Variants in HTR7 observed in about 807,000 individuals in gnomAD.
HTR7 encodes 5-hydroxytryptamine receptor 7.
In HTR7, 16 loss-of-function variants were observed where a neutral mutation model predicts 34.0. That is an observed-to-expected ratio of 0.47 (90% CI 0.32 to 0.71). The LOEUF (loss-of-function observed/expected upper bound fraction) is 0.71, where lower values mean the gene tolerates loss of function less well. Among genes scored for constraint, HTR7 ranks in the 30% least tolerant of loss-of-function variants. HTR7 has a pLI of 0.04. For missense variants in HTR7, 504 were observed against 625.5 expected (o/e 0.81, Z 2.07); for synonymous variants, 265 against 260.2 (o/e 1.02, Z -0.18).
chr10:90,790,423 G>C (rs1311085836), intron 1 of HTR7, among the ~76,000 whole-genome samples: 1 of 152,100 alleles, frequency 6.6e-6, no homozygotes, highest in East Asian at 1.9e-4. Context: ...TTTTAATTCA[G>C]ACCTGTATAT....
rs956872319 is a variant in HTR7 at position 90,831,371 on chromosome 10, T to TA, written c.539+25761dup. Among the ~76,000 whole-genome samples, 14 of 152,150 alleles carry TA rather than the reference T, an allele frequency of 9.2e-5. No homozygotes were observed. The Middle Eastern group carries it at 0.01, about 111-fold the overall frequency. ...AGCTGCAGACCTTGGCGGTGAGTGT[T>TA]ACAGCTCAAGCCGGCACATCTGGAG... On this transcript the variant is annotated intron_variant, in intron 1 of 3. Coordinates refer to ENST00000336152, the MANE Select transcript of HTR7 (RefSeq NM_019859.4).
chr10:90,808,775 C>T (rs1206506633), intron 1 of HTR7, among the ~76,000 whole-genome samples: 1 of 152,160 alleles, frequency 6.6e-6, no homozygotes, highest in Non-Finnish European at 1.5e-5. Flanking sequence ...CTTCAACTCA[C>T]ATCTGACCTA....
intron 1 of HTR7, among the ~76,000 whole-genome samples, chr10:90,764,132 C>T (rs1381163019): frequency 6.6e-6 from 1 of 152,154 alleles, no homozygotes; most frequent in African/African-American, 2.4e-5. Flanking sequence ...TGTTTTTGGA[C>T]TTTTTAATAA....
intron 1 of HTR7, among the ~76,000 whole-genome samples, chr10:90,754,510 A>G (rs1844800907): frequency 6.6e-6 from 1 of 152,206 alleles, no homozygotes; most frequent in African/African-American, 2.4e-5. Context: ...GATGCTTATA[A>G]AGCCTTCAAA....
chr10:90,822,132 A>G lies in HTR7; in HGVS notation c.539+35001T>C, dbSNP rs372345448. ...GCAGCTTTGGAACTGGGTAATAGGC[A>G]GAGTTTAGAACAGTTTGAAGGGATC... On this transcript the variant is annotated intron_variant, in intron 1 of 3. Transcript: ENST00000336152. Among the ~76,000 whole-genome samples, 111 of 152,376 alleles carry G rather than the reference A, an allele frequency of 7.3e-4. 2 individuals carry two copies. In the South Asian group the frequency reaches 0.02, roughly 28 times the overall value.
At chr10:90,783,668 C>G (rs1462987254) in intron 1 of HTR7, among the ~76,000 whole-genome samples, 1 of 152,196 alleles carries the variant, frequency 6.6e-6, no homozygotes, top group East Asian at 1.9e-4. Flanking sequence ...ATCCATAATG[C>G]TACTAGAAAT....
intron 1 of HTR7, among the ~76,000 whole-genome samples, chr10:90,849,885 A>T (rs1402925860): frequency 1.3e-5 from 2 of 152,224 alleles, no homozygotes; most frequent in African/African-American, 2.4e-5. Context: ...TGTTGAGACA[A>T]CCAGGACTTC....
intron 1 of HTR7, among the ~76,000 whole-genome samples, chr10:90,774,195 T>C (rs746877909): frequency 1.1e-4 from 17 of 152,174 alleles, no homozygotes; most frequent in African/African-American, 1.7e-4. Context: ...CCACAGAAGA[T>C]GGCATCAATT....
chr10:90,855,740 A>T (rs1175603928), intron 1 of HTR7, among the ~76,000 whole-genome samples: 1 of 152,198 alleles, frequency 6.6e-6, no homozygotes, highest in African/African-American at 2.4e-5. Context: ...TAATATTCTC[A>T]CATATGCAGT....
At chr10:90,850,345 C>A (rs1846479543) in intron 1 of HTR7, among the ~76,000 whole-genome samples, 1 of 152,332 alleles carries the variant, frequency 6.6e-6, no homozygotes, top group African/African-American at 2.4e-5. Context: ...AGAGCTCTAA[C>A]AGAACTAAAA....
At chr10:90,744,433 C>A (rs1210370454) in intron 2 of HTR7, among the ~76,000 whole-genome samples, 2 of 151,958 alleles carry the variant, frequency 1.3e-5, no homozygotes, top group Non-Finnish European at 1.5e-5. Context: ...GAGTTATCCA[C>A]ACAGTGCTAC....
At chr10:90,831,371 T>A (rs927791745) in intron 1 of HTR7, among the ~76,000 whole-genome samples, 1 of 152,032 alleles carries the variant, frequency 6.6e-6, no homozygotes, top group African/African-American at 2.4e-5. Flanking sequence ...CGGTGAGTGT[T>A]ACAGCTCAAG....
At position 90,754,849 on chromosome 10, in the gene HTR7, T is replaced by C. The variant is rs570908578; in HGVS notation, c.540-5255A>G. 2.6e-5 allele frequency among the ~76,000 whole-genome samples: 4 copies of C among 152,218 alleles called. No homozygotes were observed. The East Asian group carries it at 5.8e-4, about 22-fold the overall frequency. ...GTAGAATTATTCTGAAATATGGTGGTTTTTTAGAGCGTTCAGCTTAAAAAG... is the reference window on the plus strand; with the variant it reads ...GTAGAATTATTCTGAAATATGGTGGCTTTTTAGAGCGTTCAGCTTAAAAAG... On this transcript the variant is annotated intron_variant, in intron 1 of 3. Transcript: ENST00000336152.
At chr10:90,832,538 G>A (rs1441078152) in intron 1 of HTR7, among the ~76,000 whole-genome samples, 3 of 152,158 alleles carry the variant, frequency 2.0e-5, no homozygotes, top group Admixed American at 2.0e-4. Flanking sequence ...GCACAGCCCC[G>A]GTTCCCGCTC....
Position 90,857,439 on chromosome 10 carries a change from C to G in HTR7, c.233G>C (p.Arg78Thr), listed in dbSNP as rs1376952805. The change falls in exon 1 of 4, where the codon AGA becomes ACA. Residue 78 changes from arginine (R) to threonine (T), a missense_variant. Physicochemically the swap from Arg to Thr is moderately conservative, Grantham distance 71. Coordinates refer to ENST00000336152, the MANE Select transcript of HTR7 (RefSeq NM_019859.4). The surrounding 1 kb of genome is among the most constrained non-coding windows in gnomAD (Gnocchi z 6.5). ...SGCGEQINYG[R>T]VEKVVIGSIL... The stretch of plus-strand genomic sequence containing the variant: ...GGAGCCGATCACAACTTTCTCGACT[C>G]TGCCGTAGTTGATCTGTTCCCCACA... The G allele has an allele frequency of 6.2e-7, 1 of 1,613,938 alleles. No homozygotes were observed. The highest frequency in any genetic ancestry group is 8.5e-7 in the Non-Finnish European group (1 of 1,180,050).
chr10:90,834,288 TACTGGGGAGGCAGACTCATGAACA>T (rs1846221815), intron 1 of HTR7, among the ~76,000 whole-genome samples: 1 of 152,004 alleles, frequency 6.6e-6, no homozygotes. Flanking sequence ...ATCCAAAGTC[TACTGGGGAGGCAGACTCATGAACA>T]ACCATCCAAA....
intron 1 of HTR7, among the ~76,000 whole-genome samples, chr10:90,828,526 T>C (rs1368944886): frequency 3.3e-5 from 5 of 152,132 alleles, no homozygotes; most frequent in African/African-American, 1.2e-4. Context: ...AAAGGCATTA[T>C]AACTGATACT....
chr10:90,828,075 C>A (rs915230394), intron 1 of HTR7, among the ~76,000 whole-genome samples: 1 of 144,110 alleles, frequency 6.9e-6, no homozygotes, highest in Non-Finnish European at 1.5e-5. Context: ...GGAAACCACA[C>A]AAACACACGG....
intron 1 of HTR7, among the ~76,000 whole-genome samples, chr10:90,780,282 T>A (rs2119841849): frequency 6.6e-6 from 1 of 151,946 alleles, no homozygotes; most frequent in Admixed American, 6.5e-5. Context: ...ATGCCTGTAA[T>A]CCCAGTATTT....
Sources: gnomAD v4.1 joint callset for allele counts (sites outside exome capture counted in the v4.1 genomes callset) on GRCh38, gnomAD v4.1.1 for gene constraint, Gnocchi (gnomAD v3.1) non-coding constraint, MANE v1.5 for transcripts, NCBI Gene and HGNC (gene_info 2026-07-23, HGNC 2026-07-21) for gene names.